The following POPDC2 variants were observed in gnomAD, a reference collection of about 807,000 sequenced individuals.
POPDC2 encodes the protein popeye domain cAMP effector 2.
In POPDC2, 24 loss-of-function variants were observed where a neutral mutation model predicts 30.5. The observed-to-expected ratio is 0.79, with a 90% CI of 0.57 to 1.11. The LOEUF (loss-of-function observed/expected upper bound fraction) is 1.11. POPDC2 is among the 50% of genes least tolerant of loss of function. The probability of loss-of-function intolerance (pLI) is 0.00; values close to 1 mark genes in which losing one functional copy is unlikely to be tolerated. For synonymous variants in POPDC2, 185 were observed against 183.3 expected, an observed-to-expected ratio of 1.01 and a Z score of -0.07; for missense variants, 409 against 447.0, an observed-to-expected ratio of 0.91 and a Z score of 0.77.
intron 3 of POPDC2, among the ~76,000 whole-genome samples, chr3:119,644,587 T>G (rs185975635): frequency 2.8e-4 from 42 of 152,276 alleles, no homozygotes; most frequent in African/African-American, 8.9e-4. Context: ...AAAAAGGAGC[T>G]CCAGAGGAAA....
rs375598899 is a variant in POPDC2 at position 119,648,596 on chromosome 3, T to C, written c.673A>G (p.Lys225Glu). 1 of 1,614,148 alleles carries C rather than the reference T, an allele frequency of 6.2e-7. No homozygotes were observed. The highest frequency in any genetic ancestry group is 8.5e-7 in the Non-Finnish European group (1 of 1,180,020). Residue 225 changes from lysine to glutamate, a missense_variant, in exon 3 of 4, where the codon AAA becomes GAA. Lys to Glu is a moderately conservative substitution (Grantham distance 56). Coordinates refer to ENST00000493094, the MANE Select transcript of POPDC2 (RefSeq NM_001369919.2). ...PRKSLHLLLT[K>E]ERYISCLFSA... Reference sequence around the variant, plus strand: ...AAGAGGCAGGAGATGTATCGCTCTTTGGTCAGAAGAAGATGGAGACTTTTC... The same window carrying C: ...AAGAGGCAGGAGATGTATCGCTCTTCGGTCAGAAGAAGATGGAGACTTTTC...
intron 2 of POPDC2, among the ~76,000 whole-genome samples, chr3:119,650,509 T>C (rs1344767611): frequency 6.6e-6 from 1 of 152,220 alleles, no homozygotes; most frequent in African/African-American, 2.4e-5. Context: ...TCAGTTTTCA[T>C]GGCATCCATC....
At chr3:119,659,691 C>T (rs775231315) in intron 1 of POPDC2, among the ~76,000 whole-genome samples, 2 of 152,194 alleles carry the variant, frequency 1.3e-5, no homozygotes, top group Non-Finnish European at 2.9e-5. Flanking sequence ...AGCAAGTGCA[C>T]ATACAATCAT....
chr3:119,659,250 T>G (rs899063597), intron 1 of POPDC2, among the ~76,000 whole-genome samples: 7 of 152,222 alleles, frequency 4.6e-5, no homozygotes, highest in Admixed American at 2.0e-4. Flanking sequence ...GGTGTATCAC[T>G]TCTCTTCTCC....
chr3:119,654,327 T>C (rs975637795), intron 2 of POPDC2, among the ~76,000 whole-genome samples, 178 bp downstream of exon 2: 1 of 152,170 alleles, frequency 6.6e-6, no homozygotes, highest in African/African-American at 2.4e-5. Context: ...CTTCCTACCC[T>C]ACCTCACCTA....
At chr3:119,643,668 T>C (rs138664177) in intron 3 of POPDC2, among the ~76,000 whole-genome samples, 1 of 152,280 alleles carries the variant, frequency 6.6e-6, no homozygotes, top group African/African-American at 2.4e-5. Context: ...GGCAGGTGAG[T>C]GGCAAGACTA....
rs117717834 is a variant in POPDC2 at position 119,653,959 on chromosome 3, G to A, written c.600+546C>T. ...AGCATAAGTAAAAGGACTAGAACAG[G>A]CACACAGGAGTGCTAGGCTGTGGGG... On this transcript the variant is annotated intron_variant, in intron 2 of 3. Transcript: ENST00000493094. Among the ~76,000 whole-genome samples the A allele has an allele frequency of 2.9e-3, 433 of 151,370 alleles. 9 individuals are homozygous for A. In the East Asian group the frequency reaches 0.054, roughly 19 times the overall value.
At chr3:119,653,082 G>A (rs1453492216) in intron 2 of POPDC2, among the ~76,000 whole-genome samples, 1 of 152,032 alleles carries the variant, frequency 6.6e-6, no homozygotes, top group Admixed American at 6.6e-5. Flanking sequence ...ATGTGTGTGT[G>A]TAAACTCTAC....
chr3:119,644,252 T>C (rs1049098599), intron 3 of POPDC2, among the ~76,000 whole-genome samples: 32 of 152,338 alleles, frequency 2.1e-4, no homozygotes, highest in African/African-American at 6.5e-4. Context: ...ATAAAAATTG[T>C]CCAAATGTCA....
At chr3:119,655,413 C>G (rs1238086452) in intron 1 of POPDC2, among the ~76,000 whole-genome samples, 1 of 152,218 alleles carries the variant, frequency 6.6e-6, no homozygotes, top group East Asian at 1.9e-4. Context: ...CAGTTCCTTA[C>G]CTAATTACAA....
At chr3:119,656,516 C>T (rs893875963) in intron 1 of POPDC2, among the ~76,000 whole-genome samples, 4 of 152,110 alleles carry the variant, frequency 2.6e-5, no homozygotes, top group Admixed American at 2.6e-4. Flanking sequence ...TGTACCTAGC[C>T]TAGTGCTCTG....
intron 1 of POPDC2, among the ~76,000 whole-genome samples, chr3:119,655,526 CCA>C (rs569400640): frequency 7.0e-4 from 107 of 152,268 alleles, no homozygotes; most frequent in South Asian, 2.3e-3. Context: ...ATCCGCTGCT[CCA>C]CAGATTCTCC....
intron 3 of POPDC2, among the ~76,000 whole-genome samples, chr3:119,644,732 G>A (rs1262515506): frequency 1.3e-5 from 2 of 148,778 alleles, no homozygotes; most frequent in Non-Finnish European, 1.5e-5. Context: ...GTGCTGTGCC[G>A]GGATGAATAG....
chr3:119,655,818 C>T (rs1278834782), intron 1 of POPDC2, among the ~76,000 whole-genome samples: 3 of 152,184 alleles, frequency 2.0e-5, no homozygotes, highest in Non-Finnish European at 4.4e-5. Context: ...ACCATGTTGC[C>T]ACCCTATTAC....
chr3:119,647,615 T>C (rs986995098), intron 3 of POPDC2, among the ~76,000 whole-genome samples: 1 of 152,216 alleles, frequency 6.6e-6, no homozygotes, highest in African/African-American at 2.4e-5. Flanking sequence ...GATGAGGACA[T>C]TTTCCTCCCC....
chr3:119,648,561 C>A lies in POPDC2; in HGVS notation c.708G>T (p.Leu236=), dbSNP rs575110667. 29 of 1,613,694 alleles carry A rather than the reference C, an allele frequency of 1.8e-5. No homozygotes were observed. The South Asian group carries it at 3.1e-4, about 17-fold the overall frequency. The change falls in exon 3 of 4, where the codon CTG becomes CTT. Residue 236 remains leucine, a synonymous_variant. Transcript: ENST00000493094. ...GCTTCTCTGAGATGTCATATCCCAG[C>A]AGAGCCGAGAAGAGGCAGGAGATGT... ...ERYISCLFSA[L]LGYDISEKLY...
intron 2 of POPDC2, among the ~76,000 whole-genome samples, chr3:119,651,799 T>C (rs1348137588): frequency 1.3e-5 from 2 of 152,114 alleles, no homozygotes. Flanking sequence ...CCACCCTGGC[T>C]AATTTTTGTA....
rs143015321 is a variant in POPDC2, at chr3:119,642,486, G to T, written c.*119C>A. On this transcript the variant is annotated 3_prime_UTR_variant, in exon 4 of 4. Transcript: ENST00000493094. The stretch of plus-strand genomic sequence containing the variant: ...ATAGTCCAATGATCCTTAAAGTTCA[G>T]GCGTGTGGGTTGGAGCCAAAGGGGC... 2.5e-6 allele frequency: 4 copies of T among 1,609,220 alleles called. No homozygotes were observed. In the African/African-American group the frequency reaches 5.3e-5, roughly 22 times the overall value.
rs535138671 is a variant in POPDC2, at chr3:119,647,819, C to T, written c.*43+300G>A. Among the ~76,000 whole-genome samples, 17 of 152,322 alleles carry T rather than the reference C, an allele frequency of 1.1e-4. No homozygotes were observed. In the South Asian group the frequency reaches 3.5e-3, roughly 32 times the overall value. On this transcript the variant is annotated intron_variant, in intron 3 of 3. Coordinates refer to ENST00000493094, the MANE Select transcript of POPDC2 (RefSeq NM_001369919.2). ...CCACAAATAAAAGCCCCTTAAGCCC[C>T]AGCTGTGGCCTCAGCTATTAGAATA...
Sources: allele counts gnomAD v4.1 joint callset (sites outside exome capture counted in the v4.1 genomes callset), GRCh38; gene constraint gnomAD v4.1.1; transcripts MANE v1.5; gene names NCBI Gene and HGNC (gene_info 2026-07-23, HGNC 2026-07-21).